C12orf54: variants seen among roughly 807,000 people sequenced by gnomAD.
C12orf54 encodes chromosome 12 open reading frame 54.
C12orf54 carries 24 observed loss-of-function variants against 26.4 expected under a neutral mutation model. That is an observed-to-expected ratio of 0.91 (90% CI 0.66 to 1.28). The LOEUF is 1.28. Ranked by LOEUF, C12orf54 falls within the 50% of genes most tolerant of loss-of-function variation. The probability of loss-of-function intolerance (pLI) is 0.00; values close to 1 mark genes in which losing one functional copy is unlikely to be tolerated. For synonymous variants in C12orf54, 54 were observed against 47.0 expected (o/e 1.15, Z -0.61); for missense variants, 154 against 150.9 (o/e 1.02, Z -0.11).
the C12orf54 span, chr12:48,473,617 A>T: frequency 3.9e-6 from 1 of 257,394 alleles, no homozygotes; most frequent in Non-Finnish European, 7.6e-6. Flanking sequence ...TTTTACTGCC[A>T]CTCTTTATTT....
the C12orf54 span, among the ~76,000 whole-genome samples, chr12:48,461,910 A>G: frequency 5.3e-5 from 8 of 151,718 alleles, no homozygotes; most frequent in Non-Finnish European, 1.2e-4. Context: ...TTGGAATAGA[A>G]AAAGAGAAAT....
upstream of C12orf54, among the ~76,000 whole-genome samples, chr12:48,480,718 A>C (rs893769524): frequency 6.6e-6 from 1 of 152,172 alleles, no homozygotes; most frequent in African/African-American, 2.4e-5. Flanking sequence ...ATATACCCAA[A>C]GGAAAATTAA....
chr12:48,479,581 C>T (rs1218809556), upstream of C12orf54, among the ~76,000 whole-genome samples: 1 of 150,504 alleles, frequency 6.6e-6, no homozygotes, highest in Non-Finnish European at 1.5e-5. Context: ...GGCGTTGCTA[C>T]ATGTCAGCTG....
chr12:48,445,502 T>G, the C12orf54 span, among the ~76,000 whole-genome samples: 1 of 152,164 alleles, frequency 6.6e-6, no homozygotes, highest in Admixed American at 6.5e-5. Context: ...GGGAGAGGGT[T>G]CTTTTTGAGT....
chr12:48,421,376 T>C, the C12orf54 span, among the ~76,000 whole-genome samples: 2 of 151,932 alleles, frequency 1.3e-5, no homozygotes, highest in African/African-American at 2.4e-5. Flanking sequence ...CCAAAGAGGG[T>C]GGTGTTAAAC....
At chr12:48,471,296 C>T in the C12orf54 span, among the ~76,000 whole-genome samples, 50,357 of 151,964 alleles carry the variant, frequency 0.33, 10,474 homozygotes, top group Middle Eastern at 0.48. Context: ...TTATGGCTGA[C>T]GAGTACTCCA....
chr12:48,481,138 T>C (rs982344732), upstream of C12orf54, among the ~76,000 whole-genome samples: 2 of 151,972 alleles, frequency 1.3e-5, no homozygotes, highest in Non-Finnish European at 2.9e-5. Flanking sequence ...AGCCCAAACC[T>C]CAGCAATATA....
chr12:48,483,528 A>G, intron 2 of C12orf54, 167 bp downstream of exon 2: 1 of 587,312 alleles, frequency 1.7e-6, no homozygotes, highest in Non-Finnish European at 3.0e-6. Flanking sequence ...CTCCTTAATG[A>G]AAGAGATAAT....
chr12:48,467,905 T>C, the C12orf54 span, among the ~76,000 whole-genome samples: 4 of 152,074 alleles, frequency 2.6e-5, no homozygotes, highest in Non-Finnish European at 4.4e-5. Context: ...AGCAGAGGGG[T>C]GCCTCTCCTC....
chr12:48,426,622 T>C, the C12orf54 span, among the ~76,000 whole-genome samples: 2 of 152,098 alleles, frequency 1.3e-5, no homozygotes, highest in Non-Finnish European at 2.9e-5. Flanking sequence ...CTATAAAAAA[T>C]GTCATTGGTA....
chr12:48,474,237 G>A, the C12orf54 span, among the ~76,000 whole-genome samples: 1 of 152,162 alleles, frequency 6.6e-6, no homozygotes, highest in African/African-American at 2.4e-5. Flanking sequence ...TCTGTGCTTA[G>A]AACAATTTTA....
At chr12:48,474,406 G>A in the C12orf54 span, among the ~76,000 whole-genome samples, 1 of 152,142 alleles carries the variant, frequency 6.6e-6, no homozygotes, top group Non-Finnish European at 1.5e-5. Flanking sequence ...AGGACAGTGG[G>A]TGCAGCACAC....
the C12orf54 span, among the ~76,000 whole-genome samples, chr12:48,413,207 A>C: frequency 6.6e-6 from 1 of 152,222 alleles, no homozygotes; most frequent in African/African-American, 2.4e-5. Context: ...TAATTCCAAT[A>C]AGGAATATGC....
At chr12:48,476,587 GT>G in the C12orf54 span, among the ~76,000 whole-genome samples, 27 of 152,256 alleles carry the variant, frequency 1.8e-4, no homozygotes, top group African/African-American at 6.3e-4. Flanking sequence ...AAAGGCAGGG[GT>G]TGCAATCCTA....
upstream of C12orf54, among the ~76,000 whole-genome samples, chr12:48,481,118 G>C (rs1468544635): frequency 6.6e-6 from 1 of 151,978 alleles, no homozygotes; most frequent in Non-Finnish European, 1.5e-5. Context: ...TGGGTGACAG[G>C]ATCAATAGAA....
the C12orf54 span, among the ~76,000 whole-genome samples, chr12:48,420,529 G>A: frequency 6.6e-6 from 1 of 152,014 alleles, no homozygotes; most frequent in African/African-American, 2.4e-5. Flanking sequence ...TCTTTCTTAA[G>A]GACCTGGGAA....
the C12orf54 span, among the ~76,000 whole-genome samples, chr12:48,455,794 C>T: frequency 1.1e-4 from 17 of 152,276 alleles, no homozygotes; most frequent in Non-Finnish European, 2.4e-4. Flanking sequence ...GATACATACA[C>T]ATAAATGATC....
chr12:48,437,160 A>G, the C12orf54 span, among the ~76,000 whole-genome samples: 1 of 152,256 alleles, frequency 6.6e-6, no homozygotes, highest in East Asian at 1.9e-4. Context: ...GAAGAAATGG[A>G]TAAATTCCTG....
the C12orf54 span, chr12:48,473,174 G>A: frequency 6.8e-7 from 1 of 1,473,694 alleles, no homozygotes; most frequent in Non-Finnish European, 9.5e-7. Context: ...TGGATGACAA[G>A]GAGGAGGATG....
Sources: gnomAD v4.1 joint callset for allele counts (sites outside exome capture counted in the v4.1 genomes callset) on GRCh38, gnomAD v4.1.1 for gene constraint, MANE v1.5 for transcripts, NCBI Gene and HGNC (gene_info 2026-07-23, HGNC 2026-07-21) for gene names.